Variants in GRIN2B observed in about 807,000 individuals in gnomAD.
GRIN2B encodes the protein glutamate ionotropic receptor NMDA type subunit 2B.
Under a neutral mutation model 114.5 loss-of-function variants are expected in GRIN2B, and 5 were observed. The ratio of observed to expected loss-of-function variants is 0.04; its 90% CI spans 0.02 to 0.09. The LOEUF (loss-of-function observed/expected upper bound fraction) is 0.09. Ranked by LOEUF, GRIN2B falls within the 10% of genes least tolerant of loss-of-function variation. The pLI is 1.00. For synonymous variants in GRIN2B, 787 were observed against 745.1 expected (o/e 1.06, Z -0.92); for missense variants, 1,108 against 1,943.5 (o/e 0.57, Z 8.08).
Position 13,560,103 on chromosome 12 carries a change from A to T in GRIN2B, c.*2680T>A, listed in dbSNP as rs534858522. On this transcript the variant is annotated 3_prime_UTR_variant, in exon 14 of 14. Coordinates refer to ENST00000609686, the MANE Select transcript of GRIN2B (RefSeq NM_000834.5). ...TAGAGCCAAATTGAACCCTATGTAAAACCCTGGCCAAAGTGCATGAACATT... is the reference window on the plus strand; with the variant it reads ...TAGAGCCAAATTGAACCCTATGTAATACCCTGGCCAAAGTGCATGAACATT... 6.6e-6 allele frequency: 1 copy of T among 152,246 alleles called. No homozygotes were observed. Among genetic ancestry groups the T allele is most frequent in the Admixed American group, 6.5e-5 (1 of 15,298 alleles). 9.4% of individuals were successfully genotyped at this position (152,246 alleles called of 1,614,324 possible).
At chr12:13,869,260 G>C (rs1258895429) in intron 2 of GRIN2B, among the ~76,000 whole-genome samples, 1 of 93,478 alleles carries the variant, frequency 1.1e-5, no homozygotes, top group Non-Finnish European at 2.2e-5. Context: ...TTTTTTTTTG[G>C]TGGGGAGGAT....
chr12:13,758,987 C>CA (rs1863627816), intron 3 of GRIN2B, among the ~76,000 whole-genome samples: 1 of 141,288 alleles, frequency 7.1e-6, no homozygotes, highest in Admixed American at 7.1e-5. Context: ...TTGATGATCT[C>CA]ATCTAGTTCA....
chr12:13,968,563 A>G (rs1248954566), intron 2 of GRIN2B, among the ~76,000 whole-genome samples: 1 of 152,198 alleles, frequency 6.6e-6, no homozygotes, highest in Non-Finnish European at 1.5e-5. Context: ...CTTGCTTCAA[A>G]TTACTGAAAG....
At chr12:13,955,925 A>C (rs145121804) in intron 2 of GRIN2B, among the ~76,000 whole-genome samples, 98 of 152,298 alleles carry the variant, frequency 6.4e-4, no homozygotes, top group African/African-American at 2.2e-3. Flanking sequence ...CGCGTATATT[A>C]ATAACTTGCA....
At chr12:13,791,179 C>G (rs887942743) in intron 3 of GRIN2B, among the ~76,000 whole-genome samples, 3 of 152,074 alleles carry the variant, frequency 2.0e-5, no homozygotes, top group African/African-American at 7.2e-5. Context: ...CATTCCATGT[C>G]CTGGCGAGGC....
chr12:13,726,521 C>T (rs149349810), intron 4 of GRIN2B, among the ~76,000 whole-genome samples: 2,318 of 144,858 alleles, frequency 0.016, 66 homozygotes, highest in African/African-American at 0.059. Flanking sequence ...GACAAAAGAG[C>T]GAGACTCTGT....
chr12:13,875,248 G>A lies in GRIN2B; in HGVS notation c.-18-9022C>T, dbSNP rs1591597567. Among the ~76,000 whole-genome samples the A allele has an allele frequency of 4.6e-5, 7 of 152,160 alleles. No homozygotes were observed. The South Asian group carries it at 8.3e-4, about 18-fold the overall frequency. On this transcript the variant is annotated intron_variant, in intron 2 of 13. Transcript: ENST00000609686. ...AGAAAAAAAATAAAATAAAATGGGC[G>A]GGCCCTGTGGCTCACGCCTTTAGTA...
At chr12:13,631,856 C>T (rs1382653267) in intron 5 of GRIN2B, among the ~76,000 whole-genome samples, 1 of 152,174 alleles carries the variant, frequency 6.6e-6, no homozygotes, top group African/African-American at 2.4e-5. Flanking sequence ...GAAAGAAGTG[C>T]TGAGGAGAAA....
chr12:13,946,632 T>C (rs1162816040), intron 2 of GRIN2B, among the ~76,000 whole-genome samples: 1 of 152,058 alleles, frequency 6.6e-6, no homozygotes, highest in Non-Finnish European at 1.5e-5. Context: ...GTTTTCTGGA[T>C]TGAGATAGTG....
At chr12:13,723,756 G>C (rs1862924833) in intron 4 of GRIN2B, among the ~76,000 whole-genome samples, 2 of 152,018 alleles carry the variant, frequency 1.3e-5, no homozygotes, top group Non-Finnish European at 2.9e-5. Flanking sequence ...TGGTGGCTCT[G>C]GTATTTGAAA....
chr12:13,914,543 C>A (rs541533135), intron 2 of GRIN2B, among the ~76,000 whole-genome samples: 23 of 152,214 alleles, frequency 1.5e-4, no homozygotes, highest in Admixed American at 1.1e-3. Context: ...ACAGAACTAC[C>A]ACATGACCCA....
At chr12:13,859,264 C>T (rs1425983182) in intron 3 of GRIN2B, among the ~76,000 whole-genome samples, 1 of 152,178 alleles carries the variant, frequency 6.6e-6, no homozygotes, top group Admixed American at 6.5e-5. Context: ...GACACCATCA[C>T]GTCCCTGGAA....
At chr12:13,971,536 A>T (rs1862916044) in intron 2 of GRIN2B, among the ~76,000 whole-genome samples, 1 of 152,162 alleles carries the variant, frequency 6.6e-6, no homozygotes, top group Non-Finnish European at 1.5e-5. Context: ...AGGCACTGAG[A>T]GGGAGGGCAA....
At chr12:13,733,492 C>T (rs949368700) in intron 4 of GRIN2B, among the ~76,000 whole-genome samples, 12 of 152,092 alleles carry the variant, frequency 7.9e-5, no homozygotes, top group African/African-American at 2.9e-4. Context: ...TAAATCTTTT[C>T]AATCAAAGAA....
At chr12:13,750,273 T>G (rs1340162664) in intron 4 of GRIN2B, among the ~76,000 whole-genome samples, 1 of 152,152 alleles carries the variant, frequency 6.6e-6, no homozygotes, top group African/African-American at 2.4e-5. Flanking sequence ...CCTTCCTGGG[T>G]GGCCACACGG....
chr12:13,808,608 G>C (rs377277935), intron 3 of GRIN2B, among the ~76,000 whole-genome samples: 2 of 151,750 alleles, frequency 1.3e-5, no homozygotes, highest in Admixed American at 6.6e-5. Context: ...GTGGGGGAAG[G>C]GGGGAGGGAT....
chr12:13,739,561 G>C (rs1863245771), intron 4 of GRIN2B, among the ~76,000 whole-genome samples: 1 of 152,102 alleles, frequency 6.6e-6, no homozygotes, highest in Non-Finnish European at 1.5e-5. Flanking sequence ...CTCCTGGCCA[G>C]AGAGATGGTG....
rs199872486 is a variant in GRIN2B at position 13,562,722 on chromosome 12, C to A, written c.*61G>T. ...CACCCCCGTCACCCTCCGTGACATG[C>A]GCATCACGCGACCCACAGCCTTACC... On this transcript the variant is annotated 3_prime_UTR_variant, in exon 14 of 14. Transcript: ENST00000609686. The A allele has an allele frequency of 2.3e-6, 3 of 1,323,890 alleles. No individual in the cohort carries two copies. Among genetic ancestry groups the A allele is most frequent in the Admixed American group, 3.4e-5 (2 of 59,682 alleles). The allele number at this position is 1,323,890 out of a possible 1,614,324, so 82.0% of individuals were successfully genotyped here.
chr12:13,666,395 C>G (rs1023301867), intron 5 of GRIN2B, among the ~76,000 whole-genome samples: 2 of 152,062 alleles, frequency 1.3e-5, no homozygotes, highest in Non-Finnish European at 2.9e-5. Context: ...TAGAAAAGCT[C>G]CTAAGCAAGC....
Sources: gnomAD v4.1 joint callset for allele counts (sites outside exome capture counted in the v4.1 genomes callset) on GRCh38, gnomAD v4.1.1 for gene constraint, MANE v1.5 for transcripts, NCBI Gene and HGNC (gene_info 2026-07-23, HGNC 2026-07-21) for gene names.